The following PRDM5 variants were observed in gnomAD, a reference collection of about 807,000 sequenced individuals.
PRDM5 encodes the protein PR domain zinc finger protein 5.
PRDM5 carries 56 observed loss-of-function variants against 81.2 expected under a neutral mutation model. The observed-to-expected ratio is 0.69, with a 90% confidence interval of 0.56 to 0.86. The LOEUF (loss-of-function observed/expected upper bound fraction) is 0.86. Ranked by LOEUF, PRDM5 falls within the 40% of genes least tolerant of loss-of-function variation. The probability of loss-of-function intolerance (pLI) is 0.00; values close to 1 mark genes in which losing one functional copy is unlikely to be tolerated. For synonymous variants in PRDM5, 267 were observed against 256.4 expected (o/e 1.04, Z -0.39); for missense variants, 697 against 770.1 (o/e 0.91, Z 1.12).
chr4:120,789,301 C>T (rs1451993848), intron 10 of PRDM5, among the ~76,000 whole-genome samples: 1 of 152,128 alleles, frequency 6.6e-6, no homozygotes, highest in Non-Finnish European at 1.5e-5. Context: ...GCGTAATGTA[C>T]ATTAATTACC....
At chr4:120,898,987 A>G (rs1192021758) in intron 2 of PRDM5, among the ~76,000 whole-genome samples, 1 of 152,174 alleles carries the variant, frequency 6.6e-6, no homozygotes, top group Non-Finnish European at 1.5e-5. Context: ...TTTCTGTATG[A>G]GAAACGAGAA....
rs112734659 is a variant in PRDM5 at position 120,889,491 on chromosome 4, A to T, written c.177+17983T>A. ...GGCACCTTAGCTTTTTACATAAATT[A>T]TAAAATCAATTTCCATACCATCACC... On this transcript the variant is annotated intron_variant, in intron 2 of 15. Transcript: ENST00000264808. Among the ~76,000 whole-genome samples the T allele has an allele frequency of 3.5e-3, 538 of 152,298 alleles. 4 individuals are homozygous for T. The highest frequency in any genetic ancestry group is 0.012 in the African/African-American group (519 of 41,566).
intron 8 of PRDM5, among the ~76,000 whole-genome samples, chr4:120,802,744 C>T (rs1752318144): frequency 6.6e-6 from 1 of 152,100 alleles, no homozygotes; most frequent in Non-Finnish European, 1.5e-5. Context: ...GATAAAACTA[C>T]AAAGATGGGG....
intron 13 of PRDM5, among the ~76,000 whole-genome samples, chr4:120,770,016 A>G (rs72678311): frequency 1.9e-4 from 22 of 118,002 alleles, no homozygotes; most frequent in East Asian, 6.4e-4. Context: ...CTATTTATTT[A>G]TTTATTTGTT....
chr4:120,763,317 A>C (rs187600126), intron 13 of PRDM5, among the ~76,000 whole-genome samples: 5 of 152,326 alleles, frequency 3.3e-5, no homozygotes, highest in African/African-American at 1.2e-4. Flanking sequence ...TACGAGATGC[A>C]GAATGAAAAG....
rs1396791897 is a variant in PRDM5 at position 120,816,535 on chromosome 4, C to T, written c.783G>A (p.Arg261=). 1.9e-6 allele frequency: 3 copies of T among 1,614,136 alleles called. No homozygotes were observed. The highest frequency in any genetic ancestry group is 1.7e-5 in the Admixed American group (1 of 59,990). Residue 261 remains arginine (R), a synonymous_variant, in exon 7 of 16, where the codon AGG becomes AGA. Transcript: ENST00000264808. ...CACAGCTGTCAGCCTTGCACACAAA[C>T]CTGGCATCCCCCCGGCAAGTCTCCT... ...QHQETCRGDA[R]FVCKADSCGK... is the part of the protein sequence containing the mutation.
chr4:120,916,341 C>T (rs1164382794), intron 1 of PRDM5, among the ~76,000 whole-genome samples: 4 of 151,866 alleles, frequency 2.6e-5, no homozygotes, highest in Non-Finnish European at 2.9e-5. Context: ...GAGCTGAGAT[C>T]GCACCTCTGC....
chr4:120,920,663 GA>G (rs1279385119), intron 1 of PRDM5, among the ~76,000 whole-genome samples: 2 of 152,188 alleles, frequency 1.3e-5, no homozygotes, highest in Non-Finnish European at 2.9e-5. Flanking sequence ...ACCTGTCCAT[GA>G]CCTTGTGACT....
At chr4:120,882,378 C>T (rs569013543) in intron 2 of PRDM5, among the ~76,000 whole-genome samples, 20 of 152,148 alleles carry the variant, frequency 1.3e-4, no homozygotes, top group Non-Finnish European at 2.8e-4. Flanking sequence ...GAACTCCTGA[C>T]CTCAGGTGAT....
intron 3 of PRDM5, among the ~76,000 whole-genome samples, chr4:120,822,736 T>A (rs1755448153): frequency 6.6e-6 from 1 of 151,992 alleles, no homozygotes; most frequent in East Asian, 1.9e-4. Flanking sequence ...TATTAGAAAA[T>A]TTCATGGAAG....
At chr4:120,807,697 G>T (rs1561320861) in intron 8 of PRDM5, among the ~76,000 whole-genome samples, 1 of 152,202 alleles carries the variant, frequency 6.6e-6, no homozygotes, top group Non-Finnish European at 1.5e-5. Flanking sequence ...AAGGCGGTGT[G>T]TCCGGAGTTT....
intron 11 of PRDM5, among the ~76,000 whole-genome samples, chr4:120,784,604 G>A (rs1347411176): frequency 6.6e-6 from 1 of 152,072 alleles, no homozygotes; most frequent in Non-Finnish European, 1.5e-5. Flanking sequence ...AAGTTTGTGA[G>A]CTCATAAAAC....
chr4:120,807,397 A>G (rs1283996961), intron 8 of PRDM5, among the ~76,000 whole-genome samples: 1 of 152,258 alleles, frequency 6.6e-6, no homozygotes, highest in African/African-American at 2.4e-5. Context: ...TGCTGCTATA[A>G]AGACACATGC....
At chr4:120,838,941 G>A (rs970398060) in intron 3 of PRDM5, 29 of 474,436 alleles carry the variant, frequency 6.1e-5, no homozygotes, top group East Asian at 3.7e-4. Flanking sequence ...CAGATATGCC[G>A]GCTGCTGCAG....
chr4:120,805,957 T>A (rs2149307441), intron 8 of PRDM5, among the ~76,000 whole-genome samples: 1 of 152,278 alleles, frequency 6.6e-6, no homozygotes, highest in African/African-American at 2.4e-5. Context: ...AACCCCATCA[T>A]CTCAGTCCAA....
rs989239505 is a variant in PRDM5 at position 120,807,170 on chromosome 4, G to C, written c.945+4200C>G. ...ATGAGATACCATCTCACACCAGTTA[G>C]AATGGCAATCACTAAAAAGTCAGAG... On this transcript the variant is annotated intron_variant, in intron 8 of 15. Coordinates refer to ENST00000264808, the MANE Select transcript of PRDM5 (RefSeq NM_018699.4). Among the ~76,000 whole-genome samples, 4 of 152,320 alleles carry C rather than the reference G, an allele frequency of 2.6e-5. No individual in the cohort carries two copies. The East Asian group carries it at 5.8e-4, about 22-fold the overall frequency.
chr4:120,764,308 ATAT>A (rs1427080530), intron 13 of PRDM5, among the ~76,000 whole-genome samples: 2 of 152,174 alleles, frequency 1.3e-5, no homozygotes, highest in Non-Finnish European at 2.9e-5. Flanking sequence ...CTCTGTGATG[ATAT>A]TATTAATTCA....
chr4:120,711,193 A>C (rs1316073441), intron 14 of PRDM5, among the ~76,000 whole-genome samples: 1 of 152,242 alleles, frequency 6.6e-6, no homozygotes, highest in Admixed American at 6.5e-5. Flanking sequence ...TAGAGGGTAC[A>C]AATTGTTTAC....
Position 120,695,096 on chromosome 4 carries a change from C to A in PRDM5, c.*15G>T. The A allele has an allele frequency of 6.2e-7, 1 of 1,609,092 alleles. No individual in the cohort carries two copies. Among genetic ancestry groups the A allele is most frequent in the Non-Finnish European group, 8.5e-7 (1 of 1,175,730 alleles). On this transcript the variant is annotated 3_prime_UTR_variant, in exon 16 of 16. Transcript: ENST00000264808. ...AGGAGCCCTTCTGAATAGTTTAATT[C>A]CTTTACAGCCCCTATTAGCTGTCAG...
Sources: gnomAD v4.1 joint callset for allele counts (sites outside exome capture counted in the v4.1 genomes callset) on GRCh38, gnomAD v4.1.1 for gene constraint, MANE v1.5 for transcripts, NCBI Gene and HGNC (gene_info 2026-07-23, HGNC 2026-07-21) for gene names.